Variants in EPB41L2 observed in about 807,000 individuals in gnomAD.
EPB41L2 encodes the protein band 4.1-like protein 2.
EPB41L2 carries 43 observed loss-of-function variants against 113.0 expected under a neutral mutation model. The ratio of observed to expected loss-of-function variants is 0.38; its 90% CI spans 0.30 to 0.49. The LOEUF is 0.49. Among genes scored for constraint, EPB41L2 ranks in the 20% least tolerant of loss-of-function variants. EPB41L2 has a pLI of 0.95. For missense variants in EPB41L2, 1,147 were observed against 1,223.4 expected (o/e 0.94, Z 0.93); for synonymous variants, 442 against 436.7 (o/e 1.01, Z -0.15).
intron 14 of EPB41L2, among the ~76,000 whole-genome samples, chr6:130,874,189 A>T (rs1307388793): frequency 6.6e-6 from 1 of 152,146 alleles, no homozygotes. Context: ...TAAAGATTAA[A>T]TGACTTGGTT....
At chr6:130,916,346 C>T (rs1275613293) in intron 4 of EPB41L2, among the ~76,000 whole-genome samples, 3 of 152,088 alleles carry the variant, frequency 2.0e-5, no homozygotes, top group African/African-American at 7.2e-5. Context: ...TGACATTTCC[C>T]CTACAACATT....
rs778417077 is a variant in EPB41L2 at position 130,958,148 on chromosome 6, T to C, written c.-14-1649A>G. On this transcript the variant is annotated intron_variant, in intron 1 of 19. Coordinates refer to ENST00000337057, the MANE Select transcript of EPB41L2 (RefSeq NM_001431.4). Reference sequence around the variant, plus strand: ...AAGCATACATTAAGTCAATAGCATGTTGCACAAAAAACACAGGACTAGGCC... The same window carrying C: ...AAGCATACATTAAGTCAATAGCATGCTGCACAAAAAACACAGGACTAGGCC... 1.6e-4 allele frequency among the ~76,000 whole-genome samples: 24 copies of C among 152,116 alleles called. 1 individual carries two copies. The South Asian group carries it at 2.9e-3, about 18-fold the overall frequency.
chr6:130,877,687 C>A (rs1436851976), intron 14 of EPB41L2, among the ~76,000 whole-genome samples: 1 of 152,090 alleles, frequency 6.6e-6, no homozygotes, highest in Non-Finnish European at 1.5e-5. Flanking sequence ...ATTTTCCTCA[C>A]AGTAATAACT....
chr6:131,013,249 A>ATT (rs1554335577), intron 1 of EPB41L2, among the ~76,000 whole-genome samples: 9 of 141,878 alleles, frequency 6.3e-5, no homozygotes, highest in African/African-American at 2.2e-4. Context: ...GAAAAAAAAA[A>ATT]ATATATATAT....
At chr6:130,895,628 C>A (rs928551385) in intron 8 of EPB41L2, among the ~76,000 whole-genome samples, 1 of 152,200 alleles carries the variant, frequency 6.6e-6, no homozygotes, top group African/African-American at 2.4e-5. Context: ...CAATCCCTTG[C>A]AGATAATTTC....
intron 1 of EPB41L2, among the ~76,000 whole-genome samples, chr6:131,017,475 G>GT (rs1193729311): frequency 2.0e-5 from 3 of 151,952 alleles, no homozygotes; most frequent in Admixed American, 6.6e-5. Flanking sequence ...CATATTCACA[G>GT]TTTTTTTGTA....
chr6:130,872,157 T>C (rs1470023871), intron 14 of EPB41L2, among the ~76,000 whole-genome samples: 2 of 144,818 alleles, frequency 1.4e-5, no homozygotes, highest in Non-Finnish European at 3.0e-5. Context: ...TTTAGGCAGA[T>C]TTTTTTTTTC....
At chr6:130,960,959 TTA>T in intron 1 of EPB41L2, among the ~76,000 whole-genome samples, 2 of 152,288 alleles carry the variant, frequency 1.3e-5, no homozygotes, top group African/African-American at 4.8e-5. Context: ...TAGGTATCTA[TTA>T]AGTACTTACT....
At chr6:130,979,019 G>A (rs745366936) in intron 1 of EPB41L2, among the ~76,000 whole-genome samples, 1 of 152,206 alleles carries the variant, frequency 6.6e-6, no homozygotes, top group Non-Finnish European at 1.5e-5. Flanking sequence ...CTGGAACACA[G>A]GGGTGGGGAG....
rs1796499759 is a variant in EPB41L2 at position 130,902,279 on chromosome 6, G to A, written c.930-1099C>T. On this transcript the variant is annotated intron_variant, in intron 6 of 19. Transcript: ENST00000337057. ...TGCTCTCTACCCTACACAATCAAATGGGGAGTGCTGGCCTCTGGTCCAGGC... is the reference window on the plus strand; with the variant it reads ...TGCTCTCTACCCTACACAATCAAATAGGGAGTGCTGGCCTCTGGTCCAGGC... Among the ~76,000 whole-genome samples, 3 of 152,190 alleles carry A rather than the reference G, an allele frequency of 2.0e-5. No homozygotes were observed. The South Asian group carries it at 6.2e-4, about 32-fold the overall frequency.
Position 130,840,059 on chromosome 6 carries a change from G to A in EPB41L2, c.*545C>T, listed in dbSNP as rs1181220261. On this transcript the variant is annotated 3_prime_UTR_variant, in exon 20 of 20. Transcript: ENST00000337057. Reference sequence around the variant, plus strand: ...AGAAAATTTTCAAGATGTAAGAAAGGCTTTTAATCTGTATTAATATTTTCT... The same window carrying A: ...AGAAAATTTTCAAGATGTAAGAAAGACTTTTAATCTGTATTAATATTTTCT... 6.6e-6 allele frequency: 1 copy of A among 152,180 alleles called. No individual in the cohort carries two copies. 9.4% of individuals were successfully genotyped at this position (152,180 alleles called of 1,614,324 possible). A position where few individuals can be genotyped will look rare whatever the true frequency, so the allele number is the denominator to read the frequency against.
intron 1 of EPB41L2, among the ~76,000 whole-genome samples, chr6:131,051,329 T>C (rs1391830663): frequency 6.6e-6 from 1 of 152,008 alleles, no homozygotes; most frequent in African/African-American, 2.4e-5. Context: ...ATTTTGTTTT[T>C]AATCAATTTA....
intron 1 of EPB41L2, among the ~76,000 whole-genome samples, chr6:131,000,009 C>T (rs1487112056): frequency 6.6e-6 from 1 of 152,122 alleles, no homozygotes; most frequent in Non-Finnish European, 1.5e-5. Context: ...AATGAATTTA[C>T]CCCTCAGTGT....
intron 3 of EPB41L2, among the ~76,000 whole-genome samples, chr6:130,944,939 G>C (rs1467519163): frequency 6.6e-6 from 1 of 152,160 alleles, no homozygotes; most frequent in African/African-American, 2.4e-5. Context: ...TGGCACGGCA[G>C]TCTTTTCCCA....
chr6:130,908,786 C>T, intron 5 of EPB41L2, 35 bp downstream of exon 5: 3 of 1,512,590 alleles, frequency 2.0e-6, no homozygotes, highest in Non-Finnish European at 1.8e-6. Context: ...TATCAAGACA[C>T]CTTAACTTCA....
intron 1 of EPB41L2, among the ~76,000 whole-genome samples, chr6:130,986,876 A>C (rs543249455): frequency 2.0e-5 from 3 of 152,340 alleles, no homozygotes; most frequent in African/African-American, 7.2e-5. Context: ...TAAAGAAAAA[A>C]GAAACCTCAT....
At chr6:130,928,015 C>G (rs1447602014) in intron 3 of EPB41L2, among the ~76,000 whole-genome samples, 3 of 152,056 alleles carry the variant, frequency 2.0e-5, no homozygotes, top group African/African-American at 7.2e-5. Flanking sequence ...ATTGCTTAAG[C>G]CTGGGAGGCT....
intron 17 of EPB41L2, among the ~76,000 whole-genome samples, chr6:130,864,258 A>C (rs1266207408): frequency 6.6e-6 from 1 of 152,128 alleles, no homozygotes; most frequent in Non-Finnish European, 1.5e-5. Context: ...GTTTTGACTG[A>C]TGGATTCTGA....
intron 1 of EPB41L2, among the ~76,000 whole-genome samples, chr6:131,049,378 G>A (rs1796104505): frequency 6.6e-6 from 1 of 152,196 alleles, no homozygotes; most frequent in Admixed American, 6.5e-5. Flanking sequence ...CTCAGTACTT[G>A]ACATTCTGAC....
Sources: allele counts gnomAD v4.1 joint callset (sites outside exome capture counted in the v4.1 genomes callset), GRCh38; gene constraint gnomAD v4.1.1; transcripts MANE v1.5; gene names NCBI Gene and HGNC (gene_info 2026-07-23, HGNC 2026-07-21).